The following BBS9 variants were observed in gnomAD, a reference collection of about 807,000 sequenced individuals.
BBS9 encodes Bardet-Biedl syndrome 9.
BBS9 carries 89 observed loss-of-function variants against 117.7 expected under a neutral mutation model. That is an observed-to-expected ratio of 0.76 (90% CI 0.64 to 0.90). The LOEUF (loss-of-function observed/expected upper bound fraction) is 0.90, where lower values mean the gene tolerates loss of function less well. Among genes scored for constraint, BBS9 ranks in the 40% least tolerant of loss-of-function variants. The pLI is 0.00. For missense variants in BBS9, 982 were observed against 1,042.2 expected, an observed-to-expected ratio of 0.94 and a Z score of 0.80; for synonymous variants, 379 against 370.9, an observed-to-expected ratio of 1.02 and a Z score of -0.25.
At chr7:33,223,532 A>T (rs569151875) in intron 5 of BBS9, among the ~76,000 whole-genome samples, 2 of 152,294 alleles carry the variant, frequency 1.3e-5, no homozygotes, top group Non-Finnish European at 2.9e-5. Context: ...GATTGAATTC[A>T]TGCTTCACTT....
In BBS9 at chr7:33,211,251, T is replaced by C. The variant is rs116066914; in HGVS notation, c.442+33660T>C. Among the ~76,000 whole-genome samples the C allele has an allele frequency of 8.6e-3, 1,312 of 152,328 alleles. 19 individuals carry two copies. The highest frequency in any genetic ancestry group is 0.041 in the South Asian group (196 of 4,828). ...TGTTGTGTGGTCTTCTCTTCCTTCC[T>C]GTCTTCCTTTTAATGAAGGTGACTT... On this transcript the variant is annotated intron_variant, in intron 5 of 22. Transcript: ENST00000242067.
At chr7:33,271,173 T>G (rs1204031456) in intron 7 of BBS9, among the ~76,000 whole-genome samples, 1 of 152,180 alleles carries the variant, frequency 6.6e-6, no homozygotes, top group Non-Finnish European at 1.5e-5. Flanking sequence ...AGGGAAATTG[T>G]TACTACCAGA....
intron 5 of BBS9, among the ~76,000 whole-genome samples, chr7:33,230,684 T>A (rs1027369293): frequency 6.6e-6 from 1 of 152,238 alleles, no homozygotes; most frequent in African/African-American, 2.4e-5. Context: ...TTTGGTTTTC[T>A]GTTCCTGAGT....
intron 9 of BBS9, among the ~76,000 whole-genome samples, chr7:33,322,975 T>C (rs1260224412): frequency 6.6e-6 from 1 of 152,210 alleles, no homozygotes; most frequent in African/African-American, 2.4e-5. Context: ...AATTTCCTTT[T>C]AACTTCTTCA....
At chr7:33,538,779 A>C (rs2129067292) in intron 21 of BBS9, among the ~76,000 whole-genome samples, 1 of 151,816 alleles carries the variant, frequency 6.6e-6, no homozygotes, top group East Asian at 1.9e-4. Flanking sequence ...ACATTAAAAA[A>C]AAAAAAGGGA....
At chr7:33,370,875 A>G (rs1584529749) in intron 17 of BBS9, among the ~76,000 whole-genome samples, 1 of 152,028 alleles carries the variant, frequency 6.6e-6, no homozygotes, top group South Asian at 2.1e-4. Flanking sequence ...GCCTTGTTCT[A>G]CTTGCTTCTT....
At chr7:33,376,911 A>G (rs57736066) in intron 17 of BBS9, among the ~76,000 whole-genome samples, 11,334 of 151,648 alleles carry the variant, frequency 0.075, 484 homozygotes, top group East Asian at 0.14. Flanking sequence ...TTTTCTGGTA[A>G]ATTTGTGTAA....
At chr7:33,454,667 A>G (rs1328192768) in intron 19 of BBS9, among the ~76,000 whole-genome samples, 2 of 152,224 alleles carry the variant, frequency 1.3e-5, no homozygotes, top group African/African-American at 4.8e-5. Context: ...CTCAATCATA[A>G]TGGCTACTGC....
intron 4 of BBS9, among the ~76,000 whole-genome samples, chr7:33,175,320 A>T (rs1188772013): frequency 6.6e-6 from 1 of 151,802 alleles, no homozygotes; most frequent in Non-Finnish European, 1.5e-5. Flanking sequence ...AAATAAAAAA[A>T]AAAACAACAA....
chr7:33,575,674 G>A (rs1009774259), intron 21 of BBS9, among the ~76,000 whole-genome samples: 6 of 151,922 alleles, frequency 3.9e-5, no homozygotes, highest in South Asian at 2.1e-4. Flanking sequence ...ACTGGCAAAC[G>A]AAATCCAGCA....
intron 19 of BBS9, among the ~76,000 whole-genome samples, chr7:33,448,302 A>T (rs536101412): frequency 6.6e-6 from 1 of 151,950 alleles, no homozygotes. Flanking sequence ...TGTATATTCT[A>T]TTGGGCTTGG....
intron 5 of BBS9, among the ~76,000 whole-genome samples, chr7:33,238,253 G>A (rs1222188412): frequency 6.6e-6 from 1 of 151,994 alleles, no homozygotes; most frequent in African/African-American, 2.4e-5. Context: ...CATTGGTGGG[G>A]CCTGAACTTC....
At chr7:33,394,815 G>C (rs944099065) in intron 19 of BBS9, among the ~76,000 whole-genome samples, 2 of 152,128 alleles carry the variant, frequency 1.3e-5, no homozygotes, top group African/African-American at 4.8e-5. Flanking sequence ...TGTCTGCTGA[G>C]TTTGAAGTAA....
chr7:33,522,132 A>C (rs1437464538), intron 20 of BBS9, among the ~76,000 whole-genome samples: 2 of 151,704 alleles, frequency 1.3e-5, no homozygotes, highest in East Asian at 3.9e-4. Flanking sequence ...ACATTTTCTT[A>C]ATCCAGTCTA....
chr7:33,260,758 TGCA>T (rs1258675794), intron 6 of BBS9, among the ~76,000 whole-genome samples: 1 of 152,192 alleles, frequency 6.6e-6, no homozygotes, highest in African/African-American at 2.4e-5. Context: ...AGCAGAGCTT[TGCA>T]TAGGATGCTG....
intron 21 of BBS9, among the ~76,000 whole-genome samples, chr7:33,587,572 T>C (rs1020645615): frequency 1.3e-5 from 2 of 152,038 alleles, no homozygotes; most frequent in Non-Finnish European, 2.9e-5. Context: ...CAGAAACCAT[T>C]GGGAAGGGCT....
chr7:33,415,516 T>C (rs148675555), intron 19 of BBS9, among the ~76,000 whole-genome samples: 63 of 152,296 alleles, frequency 4.1e-4, no homozygotes, highest in African/African-American at 1.4e-3. Context: ...AACCACACTA[T>C]AAATTCACAG....
At chr7:33,409,258 ATCTTT>A (rs1830666613) in intron 19 of BBS9, among the ~76,000 whole-genome samples, 1 of 152,236 alleles carries the variant, frequency 6.6e-6, no homozygotes, top group Middle Eastern at 3.4e-3. Context: ...TGTATTTCCT[ATCTTT>A]TCTTCTAGGA....
chr7:33,140,260 G>A (rs536528083), intron 1 of BBS9, among the ~76,000 whole-genome samples: 1 of 152,070 alleles, frequency 6.6e-6, no homozygotes, highest in East Asian at 1.9e-4. Flanking sequence ...TCCTGACCTC[G>A]TGATCTGCCT....
Sources: gnomAD v4.1 joint callset for allele counts (sites outside exome capture counted in the v4.1 genomes callset) on GRCh38, gnomAD v4.1.1 for gene constraint, MANE v1.5 for transcripts, NCBI Gene and HGNC (gene_info 2026-07-23, HGNC 2026-07-21) for gene names.